The following ALDH3A2 variants were observed in gnomAD, a reference collection of about 807,000 sequenced individuals.
The protein encoded by ALDH3A2 is aldehyde dehydrogenase 3 family member A2, also known as aldehyde dehydrogenase family 3 member A2.
A neutral mutation model predicts 51.3 loss-of-function variants in ALDH3A2; 36 were observed. The observed-to-expected ratio is 0.70, with a 90% CI of 0.54 to 0.93. ALDH3A2 has a LOEUF of 0.93. Among genes scored for constraint, ALDH3A2 ranks in the 40% least tolerant of loss-of-function variants. The probability of loss-of-function intolerance (pLI) is 0.00; values close to 1 mark genes in which losing one functional copy is unlikely to be tolerated. For missense variants in ALDH3A2, 552 were observed against 603.1 expected, an observed-to-expected ratio of 0.92 and a Z score of 0.89; for synonymous variants, 199 against 219.8, an observed-to-expected ratio of 0.91 and a Z score of 0.84.
chr17:19,658,663 G>A (rs572690224), intron 5 of ALDH3A2, among the ~76,000 whole-genome samples: 27 of 151,284 alleles, frequency 1.8e-4, no homozygotes, highest in South Asian at 6.3e-4. Flanking sequence ...GGCAAGAATC[G>A]CTTGAACCCG....
Position 19,651,577 on chromosome 17 carries a change from A to G in ALDH3A2, c.184A>G (p.Ile62Val), listed in dbSNP as rs1454724286. ...SEFNVYSQEV[I>V]TVLGEIDFML... ...ATTCAATGTGTACAGTCAGGAAGTC[A>G]TTACTGTCCTTGGGGAAATTGATTT... Residue 62 changes from isoleucine (I) to valine (V), a missense_variant, in exon 2 of 10, where the codon ATT (isoleucine) becomes GTT (valine). Physicochemically the swap from Ile to Val is conservative, Grantham distance 29. Coordinates refer to ENST00000176643, the MANE Select transcript of ALDH3A2 (RefSeq NM_000382.3). The G allele has an allele frequency of 5.6e-6, 9 of 1,613,998 alleles. No homozygotes were observed. In the East Asian group the frequency reaches 2.0e-4, roughly 36 times the overall value.
In ALDH3A2 at chr17:19,665,028, T is replaced by G. The variant is rs144496536; in HGVS notation, c.1188T>G (p.Ser396=). The G allele has an allele frequency of 4.5e-4, 727 of 1,613,840 alleles. No individual in the cohort carries two copies. Among genetic ancestry groups the G allele is most frequent in the Non-Finnish European group, 5.3e-4 (624 of 1,179,840 alleles). The change falls in exon 8 of 10, where the codon TCT becomes TCG. Residue 396 remains serine (S), a synonymous_variant. Transcript: ENST00000176643. ...NDVIMHFTLN[S]FPFGGVGSSG... ...TCATTATGCACTTCACGCTCAACTC[T>G]TTCCCATTTGGAGGAGTGGGTGAGT...
intron 2 of ALDH3A2, 50 bp from the exon 3 acceptor site, chr17:19,652,497 T>TAA: frequency 7.2e-7 from 1 of 1,391,204 alleles, no homozygotes; most frequent in Non-Finnish European, 1.0e-6. Flanking sequence ...TTTTGGTAGC[T>TAA]ATTAAAGTTA....
In ALDH3A2 at chr17:19,648,997, G is replaced by GAC. The variant is rs753291303; in HGVS notation, c.28_29dup (p.Gln10HisfsTer34). 3 of 1,585,668 alleles carry GAC rather than the reference G, an allele frequency of 1.9e-6. No individual in the cohort carries two copies. The South Asian group carries it at 3.4e-5, about 18-fold the overall frequency. On this transcript the variant is annotated frameshift_variant, in exon 1 of 10. Coordinates refer to ENST00000176643, the MANE Select transcript of ALDH3A2 (RefSeq NM_000382.3). LOFTEE classifies it high-confidence loss of function. ...ATGGAGCTCGAAGTCCGGCGGGTCC[G>GAC]ACAGGCGTTCCTGTCCGGCCGGTCG...
chr17:19,675,773 T>G lies in ALDH3A2; in HGVS notation c.*201T>G, dbSNP rs2085179867. 1.6e-6 allele frequency: 1 copy of G among 638,626 alleles called. No individual in the cohort carries two copies. The highest frequency in any genetic ancestry group is 2.6e-5 in the Admixed American group (1 of 39,064). The allele number at this position is 638,626 out of a possible 1,614,324, so 39.6% of individuals were successfully genotyped here. On this transcript the variant is annotated 3_prime_UTR_variant, in exon 10 of 10. Coordinates refer to ENST00000176643, the MANE Select transcript of ALDH3A2 (RefSeq NM_000382.3). ...CGTCCCAACATTCCCTAATAGGGTA[T>G]TCAGGGAACCTGTCTTAAATTGTGC...
chr17:19,675,954 G>A lies in ALDH3A2; in HGVS notation c.*382G>A, dbSNP rs2085181875. On this transcript the variant is annotated 3_prime_UTR_variant, in exon 10 of 10. Transcript: ENST00000176643. ...GCCTCTGCTGCCACCATCACTGTGT[G>A]AAGCTTTCAAGAGCTTGGTACTTCC... The A allele has an allele frequency of 9.9e-6, 3 of 303,620 alleles. No individual in the cohort carries two copies. The highest frequency in any genetic ancestry group is 8.8e-5 in the East Asian group (1 of 11,330). 18.8% of individuals were successfully genotyped at this position (303,620 alleles called of 1,614,324 possible).
chr17:19,663,188 A>C, intron 6 of ALDH3A2, 145 bp from the exon 7 acceptor site: 1 of 882,430 alleles, frequency 1.1e-6, no homozygotes, highest in Non-Finnish European at 1.8e-6. Context: ...TGCACAGTTC[A>C]TCCACGTGCT....
intron 6 of ALDH3A2, among the ~76,000 whole-genome samples, chr17:19,662,841 A>G (rs1486667329): frequency 6.6e-6 from 1 of 152,172 alleles, no homozygotes; most frequent in Non-Finnish European, 1.5e-5. Flanking sequence ...CCTCATCTCT[A>G]CTAAAAATAC....
rs185217138 is a variant in ALDH3A2 at position 19,649,507 on chromosome 17, T to C, written c.153+383T>C. On this transcript the variant is annotated intron_variant, in intron 1 of 9. Transcript: ENST00000176643. Reference sequence around the variant, plus strand: ...CTTTTCTTTTTTTTTAAGCCAAATTTAGCAGTGGGAGAGTTGCATACCAAC... The same window carrying C: ...CTTTTCTTTTTTTTTAAGCCAAATTCAGCAGTGGGAGAGTTGCATACCAAC... The C allele has an allele frequency of 4.8e-5, 9 of 186,610 alleles. No homozygotes were observed. In the East Asian group the frequency reaches 1.3e-3, roughly 27 times the overall value. 11.6% of individuals were successfully genotyped at this position (186,610 alleles called of 1,614,324 possible). A position where few individuals can be genotyped will look rare whatever the true frequency, so the allele number is the denominator to read the frequency against.
At chr17:19,664,382 A>C (rs1293895392) in intron 7 of ALDH3A2, among the ~76,000 whole-genome samples, 1 of 152,210 alleles carries the variant, frequency 6.6e-6, no homozygotes, top group Non-Finnish European at 1.5e-5. Flanking sequence ...AACAATTGTC[A>C]AGGGCTTGCT....
chr17:19,652,589 C>T lies in ALDH3A2; in HGVS notation c.428C>T (p.Thr143Ile), dbSNP rs777394874. 20 of 1,613,940 alleles carry T rather than the reference C, an allele frequency of 1.2e-5. No homozygotes were observed. Among genetic ancestry groups the T allele is most frequent in the African/African-American group, 4.0e-5 (3 of 74,924 alleles). Residue 143 changes from threonine (T) to isoleucine (I), a missense_variant, in exon 3 of 10, where the codon ACA (threonine) becomes ATA (isoleucine). By Grantham distance (89) the Thr-to-Ile change is moderately conservative. Coordinates refer to ENST00000176643, the MANE Select transcript of ALDH3A2 (RefSeq NM_000382.3). ...IIKPSELSEN[T>I]AKILAKLLPQ... is the part of the protein sequence containing the mutation. Reference sequence around the variant, plus strand: ...AAGCCTTCTGAACTGAGTGAAAATACAGCCAAGATCTTGGCAAAGCTTCTC... The same window carrying T: ...AAGCCTTCTGAACTGAGTGAAAATATAGCCAAGATCTTGGCAAAGCTTCTC...
At chr17:19,651,837 T>C (rs2084820646) in intron 2 of ALDH3A2, 59 bp downstream of exon 2, 2 of 1,485,488 alleles carry the variant, frequency 1.3e-6, no homozygotes, top group South Asian at 2.3e-5. Context: ...CTCATATTAA[T>C]TGGAAATTAA....
chr17:19,653,321 A>G (rs2084843926), intron 3 of ALDH3A2, among the ~76,000 whole-genome samples: 1 of 152,086 alleles, frequency 6.6e-6, no homozygotes, highest in African/African-American at 2.4e-5. Flanking sequence ...CTGGGATTAC[A>G]GGTGTGAGCC....
In ALDH3A2 at chr17:19,654,728, C is replaced by T. The variant is rs182391433; in HGVS notation, c.472-1638C>T. ...ACACCTTCCCACAAGCAGAAGGAGCCGGCTCCAGCCTTGGCCAGCCCAGAG... is the reference window on the plus strand; with the variant it reads ...ACACCTTCCCACAAGCAGAAGGAGCTGGCTCCAGCCTTGGCCAGCCCAGAG... On this transcript the variant is annotated intron_variant, in intron 3 of 9. Coordinates refer to ENST00000176643, the MANE Select transcript of ALDH3A2 (RefSeq NM_000382.3). The surrounding 1 kb of genome is among the most constrained non-coding windows in gnomAD (Gnocchi z 4.5). Among the ~76,000 whole-genome samples, 11 of 152,128 alleles carry T rather than the reference C, an allele frequency of 7.2e-5. No individual in the cohort carries two copies. The highest frequency in any genetic ancestry group is 2.0e-4 in the East Asian group (1 of 5,110).
intron 7 of ALDH3A2, 76 bp downstream of exon 7, chr17:19,663,575 G>A: frequency 4.6e-6 from 7 of 1,510,484 alleles, no homozygotes; most frequent in Admixed American, 1.8e-5. Context: ...GTAAAACAAT[G>A]CAAAAAACAA....
intron 8 of ALDH3A2, among the ~76,000 whole-genome samples, chr17:19,669,782 G>GCA (rs1326817176): frequency 6.6e-6 from 1 of 152,092 alleles, no homozygotes. Flanking sequence ...TTACAAGGGT[G>GCA]CACCACCATG....
intron 8 of ALDH3A2, among the ~76,000 whole-genome samples, chr17:19,670,563 C>CTT (rs112210347): frequency 1.3e-4 from 18 of 137,616 alleles, no homozygotes; most frequent in African/African-American, 3.0e-4. Context: ...CTCCCTTATT[C>CTT]TTTTTTTTTT....
intron 8 of ALDH3A2, among the ~76,000 whole-genome samples, chr17:19,669,032 C>T (rs568652084): frequency 6.6e-6 from 1 of 151,638 alleles, no homozygotes; most frequent in Non-Finnish European, 1.5e-5. Flanking sequence ...CATGGTGGCT[C>T]ACACCTATAA....
At chr17:19,651,232 A>C (rs2084810287) in intron 1 of ALDH3A2, among the ~76,000 whole-genome samples, 1 of 152,230 alleles carries the variant, frequency 6.6e-6, no homozygotes, top group African/African-American at 2.4e-5. Context: ...GCTCAAGGAA[A>C]TCTTCCTGAA....
Sources: allele counts gnomAD v4.1 joint callset (sites outside exome capture counted in the v4.1 genomes callset), GRCh38; gene constraint gnomAD v4.1.1; non-coding constraint Gnocchi (gnomAD v3.1); transcripts MANE v1.5; gene names NCBI Gene and HGNC (gene_info 2026-07-23, HGNC 2026-07-21).